ROBO2: variants seen among roughly 807,000 people sequenced by gnomAD.
ROBO2 encodes roundabout guidance receptor 2.
A neutral mutation model predicts 160.8 loss-of-function variants in ROBO2; 53 were observed. The ratio of observed to expected loss-of-function variants is 0.33; its 90% CI spans 0.26 to 0.41. The LOEUF is 0.41. ROBO2 is among the 10% of genes least tolerant of loss of function. The pLI is 1.00. For synonymous variants in ROBO2, 664 were observed against 611.7 expected, an observed-to-expected ratio of 1.09 and a Z score of -1.26; for missense variants, 1,577 against 1,722.4, an observed-to-expected ratio of 0.92 and a Z score of 1.49.
chr3:77,499,175 T>C (rs1472044127), intron 5 of ROBO2, among the ~76,000 whole-genome samples: 1 of 152,226 alleles, frequency 6.6e-6, no homozygotes, highest in African/African-American at 2.4e-5. Context: ...CTTGTTCTGC[T>C]ACTGTTTGAT....
chr3:75,925,538 C>T (rs1947261037), intron 1 of ROBO2, among the ~76,000 whole-genome samples: 1 of 152,086 alleles, frequency 6.6e-6, no homozygotes. Flanking sequence ...ACTATAGAAG[C>T]GTTAGTAATT....
intron 2 of ROBO2, among the ~76,000 whole-genome samples, chr3:76,606,649 T>C (rs1560224656): frequency 3.3e-5 from 5 of 152,168 alleles, no homozygotes. Flanking sequence ...TCTGTTGGTT[T>C]TTTTTGTCTC....
intron 2 of ROBO2, among the ~76,000 whole-genome samples, chr3:76,561,778 G>A (rs550644448): frequency 3.3e-5 from 5 of 152,082 alleles, no homozygotes; most frequent in South Asian, 2.1e-4. Flanking sequence ...TCTTTGATGC[G>A]GTCCTTTTTA....
intron 2 of ROBO2, among the ~76,000 whole-genome samples, chr3:76,236,631 A>G (rs1704962721): frequency 6.6e-6 from 1 of 152,150 alleles, no homozygotes. Flanking sequence ...TGACAACACT[A>G]CAAGATACTG....
At chr3:76,193,948 G>A (rs1702126296) in intron 2 of ROBO2, among the ~76,000 whole-genome samples, 2 of 152,040 alleles carry the variant, frequency 1.3e-5, no homozygotes, top group Admixed American at 1.3e-4. Context: ...AAATAAGGAA[G>A]GTGAGTTTCA....
At chr3:77,237,495 T>C (rs1387077998) in intron 2 of ROBO2, among the ~76,000 whole-genome samples, 1 of 150,860 alleles carries the variant, frequency 6.6e-6, no homozygotes, top group Non-Finnish European at 1.5e-5. Context: ...GAACTCGTGA[T>C]CTCCAATGAT....
In ROBO2 at chr3:77,177,378, A is replaced by T. The variant is rs1414908420; in HGVS notation, c.388+79038A>T. 2.0e-5 allele frequency among the ~76,000 whole-genome samples: 3 copies of T among 151,858 alleles called. No individual in the cohort carries two copies. In the East Asian group the frequency reaches 5.8e-4, roughly 29 times the overall value. ...AGTCATCCCTCAGCATCTGTGAGAG[A>T]TTGCTTCCAGGACCTCCAGGGGATA... is the stretch of plus-strand genomic sequence containing the variant. On this transcript the variant is annotated intron_variant, in intron 2 of 25. Transcript: ENST00000461745.
intron 3 of ROBO2, among the ~76,000 whole-genome samples, chr3:77,477,830 CTTTTTTTTT>C (rs11371687): frequency 1.2e-5 from 1 of 84,468 alleles, no homozygotes; most frequent in Admixed American, 1.7e-4. Context: ...TATTTTAGCT[CTTTTTTTTT>C]TTTTTTTTTT....
intron 2 of ROBO2, among the ~76,000 whole-genome samples, chr3:76,478,080 G>T (rs1379468906): frequency 6.7e-6 from 1 of 150,258 alleles, no homozygotes; most frequent in Non-Finnish European, 1.5e-5. Context: ...ACAATGTGCA[G>T]GTTAGTTACA....
intron 2 of ROBO2, among the ~76,000 whole-genome samples, chr3:76,595,062 A>G (rs2086654327): frequency 6.6e-6 from 1 of 152,094 alleles, no homozygotes; most frequent in South Asian, 2.1e-4. Context: ...ATGAGGATAC[A>G]TGGAGAAAAC....
At chr3:77,123,388 T>C (rs1189631859) in intron 2 of ROBO2, among the ~76,000 whole-genome samples, 1 of 152,154 alleles carries the variant, frequency 6.6e-6, no homozygotes, top group Non-Finnish European at 1.5e-5. Flanking sequence ...TCAAGATGAT[T>C]CATCAAATTA....
In ROBO2 at chr3:76,272,789, A is replaced by T. The variant is rs1392832044; in HGVS notation, c.109+335187A>T. 6.8e-3 allele frequency among the ~76,000 whole-genome samples: 110 copies of T among 16,112 alleles called. 1 individual carries two copies. The highest frequency in any genetic ancestry group is 0.022 in the South Asian group (8 of 362). 10.6% of individuals were successfully genotyped at this position (16,112 alleles called of 152,430 possible). On this transcript the variant is annotated intron_variant, in intron 2 of 26. Coordinates refer to the ROBO2 transcript ENST00000487694. ...ATATATTTATATATAAAATATATAAAATATATATATATAAAATATATAATA... is the reference window on the plus strand; with the variant it reads ...ATATATTTATATATAAAATATATAATATATATATATATAAAATATATAATA...
intron 2 of ROBO2, among the ~76,000 whole-genome samples, chr3:76,701,024 C>T (rs1322168756): frequency 6.6e-6 from 1 of 151,946 alleles, no homozygotes; most frequent in Non-Finnish European, 1.5e-5. Context: ...TAATGGGGCC[C>T]ATAAGAAAGA....
At chr3:75,947,360 C>G (rs77388841) in intron 2 of ROBO2, among the ~76,000 whole-genome samples, 1 of 152,028 alleles carries the variant, frequency 6.6e-6, no homozygotes, top group Non-Finnish European at 1.5e-5. Flanking sequence ...GGTTGGCAAA[C>G]TATTACAGCC....
chr3:77,445,334 A>G (rs1582002646), intron 2 of ROBO2, among the ~76,000 whole-genome samples: 1 of 152,310 alleles, frequency 6.6e-6, no homozygotes, highest in East Asian at 1.9e-4. Flanking sequence ...AACATTCAAT[A>G]ATTGTCACTT....
chr3:76,184,811 A>C (rs1347533535), intron 2 of ROBO2, among the ~76,000 whole-genome samples: 2 of 152,110 alleles, frequency 1.3e-5, no homozygotes, highest in East Asian at 3.9e-4. Flanking sequence ...CTGGACTCCA[A>C]AGGCTGAGAA....
intron 2 of ROBO2, among the ~76,000 whole-genome samples, chr3:77,386,127 G>A (rs887748140): frequency 6.6e-6 from 1 of 152,036 alleles, no homozygotes; most frequent in Non-Finnish European, 1.5e-5. Context: ...TATTTTACCT[G>A]CATTTTATTA....
chr3:76,022,431 G>A (rs544457414), intron 2 of ROBO2, among the ~76,000 whole-genome samples: 1 of 151,870 alleles, frequency 6.6e-6, no homozygotes, highest in South Asian at 2.1e-4. Flanking sequence ...CATTATGGCA[G>A]CAATAACCTT....
At position 77,319,355 on chromosome 3, in the gene ROBO2, A is replaced by G. The variant is rs141726657; in HGVS notation, c.389-158059A>G. Among the ~76,000 whole-genome samples, 16 of 152,324 alleles carry G rather than the reference A, an allele frequency of 1.1e-4. No homozygotes were observed. The East Asian group carries it at 2.5e-3, about 24-fold the overall frequency. On this transcript the variant is annotated intron_variant, in intron 2 of 25. Coordinates refer to ENST00000461745, the Ensembl canonical transcript of ROBO2. ...TAAGGATTTTTATCACAGTGACTTC[A>G]GTCACTGATGAGGCATACATACAGA... is the stretch of plus-strand genomic sequence containing the variant.
Sources: allele counts gnomAD v4.1 joint callset (sites outside exome capture counted in the v4.1 genomes callset), GRCh38; gene constraint gnomAD v4.1.1; transcripts MANE v1.5; gene names NCBI Gene and HGNC (gene_info 2026-07-23, HGNC 2026-07-21).